The following ACOX3 variants were observed in gnomAD, a reference collection of about 807,000 sequenced individuals.
ACOX3 encodes peroxisomal acyl-coenzyme A oxidase 3.
Under a neutral mutation model 81.5 loss-of-function variants are expected in ACOX3, and 73 were observed. That is an observed-to-expected ratio of 0.90 (90% CI 0.74 to 1.09). The LOEUF (loss-of-function observed/expected upper bound fraction) is 1.09. Ranked by LOEUF, ACOX3 falls within the 50% of genes least tolerant of loss-of-function variation. The pLI is 0.00. For missense variants in ACOX3, 947 were observed against 928.0 expected (o/e 1.02, Z -0.27); for synonymous variants, 387 against 375.1 (o/e 1.03, Z -0.37).
At chr4:8,439,587 A>G (rs1724469147) in intron 1 of ACOX3, among the ~76,000 whole-genome samples, 1 of 152,226 alleles carries the variant, frequency 6.6e-6, no homozygotes, top group African/African-American at 2.4e-5. Context: ...GCTTGCTAGG[A>G]AAAAAGCTTT....
chr4:8,383,411 A>G (rs566268394), intron 13 of ACOX3, among the ~76,000 whole-genome samples: 1 of 152,362 alleles, frequency 6.6e-6, no homozygotes, highest in East Asian at 1.9e-4. Flanking sequence ...AGGTGAGGTC[A>G]TCAGGGACTC....
intron 16 of ACOX3, 22 bp downstream of exon 16, chr4:8,373,539 C>T (rs1429806066): frequency 1.4e-5 from 23 of 1,612,718 alleles, no homozygotes; most frequent in East Asian, 6.7e-5. Flanking sequence ...ATGTAGAGAA[C>T]GCGACAGCAC....
chr4:8,416,457 T>C lies in ACOX3; in HGVS notation c.65A>G (p.Asp22Gly), dbSNP rs769087705. 9.9e-6 allele frequency: 16 copies of C among 1,614,126 alleles called. No individual in the cohort carries two copies. In the African/African-American group the frequency reaches 2.0e-4, roughly 20 times the overall value. The part of the protein sequence containing the change: ...LLPEFPRGPL[D>G]AYRARASFSW... ...GAAGGACGCTCTTGCTCGGTAGGCA[T>C]CGAGGGGCCCCCTGGGGAATTCTGG... Residue 22 changes from aspartate (D) to glycine (G), a missense_variant, in exon 2 of 18, where the codon GAT becomes GGT. Asp to Gly is a moderately conservative substitution (Grantham distance 94). Transcript: ENST00000356406. This position sits in a 1 kb window ranked among gnomAD's most constrained non-coding sequence, Gnocchi z 4.2.
Position 8,389,254 on chromosome 4 carries a change from C to T in ACOX3, c.1456G>A (p.Val486Met). ...CCGGGATAGGCGTCCAGAAAGTCCACTGACTTCAGCGGACTGCGGAAGCAA... is the reference window on the plus strand; with the variant it reads ...CCGGGATAGGCGTCCAGAAAGTCCATTGACTTCAGCGGACTGCGGAAGCAA... ...GACFRSPLKSVDFLDAYPGIL... is the reference protein window; with the variant it reads ...GACFRSPLKSMDFLDAYPGIL... Residue 486 changes from valine (V) to methionine (M), a missense_variant, in exon 13 of 18, where the codon GTG becomes ATG. Coordinates refer to ENST00000356406, the MANE Select transcript of ACOX3 (RefSeq NM_003501.3). This position sits in a 1 kb window ranked among gnomAD's most constrained non-coding sequence, Gnocchi z 5.3. The T allele has an allele frequency of 6.2e-7, 1 of 1,613,708 alleles. No homozygotes were observed. The highest frequency in any genetic ancestry group is 8.5e-7 in the Non-Finnish European group (1 of 1,179,908).
chr4:8,435,116 T>C (rs1231527242), intron 1 of ACOX3, among the ~76,000 whole-genome samples: 1 of 152,198 alleles, frequency 6.6e-6, no homozygotes, highest in Non-Finnish European at 1.5e-5. Flanking sequence ...TTAAAATGCA[T>C]GTTACAGAAC....
chr4:8,398,948 GT>G (rs1193796052), intron 8 of ACOX3, among the ~76,000 whole-genome samples: 1 of 152,154 alleles, frequency 6.6e-6, no homozygotes, highest in Non-Finnish European at 1.5e-5. Context: ...TCGTGTTGCT[GT>G]TCCCACTCTG....
At chr4:8,379,892 C>T (rs1175913552) in intron 14 of ACOX3, among the ~76,000 whole-genome samples, 3 of 151,966 alleles carry the variant, frequency 2.0e-5, no homozygotes, top group African/African-American at 7.3e-5. Flanking sequence ...CTCAAGCGAT[C>T]TTCCTGCCTC....
chr4:8,394,865 G>A lies in ACOX3; in HGVS notation c.1057-123C>T. 1 of 1,299,880 alleles carries A rather than the reference G, an allele frequency of 7.7e-7. No individual in the cohort carries two copies. The highest frequency in any genetic ancestry group is 1.0e-6 in the Non-Finnish European group (1 of 968,728). The allele number at this position is 1,299,880 out of a possible 1,614,324, so 80.5% of individuals were successfully genotyped here. A position where few individuals can be genotyped will look rare whatever the true frequency, so the allele number is the denominator to read the frequency against. On this transcript the variant is annotated intron_variant, in intron 9 of 17. Transcript: ENST00000356406. This position sits in a 1 kb window ranked among gnomAD's most constrained non-coding sequence, Gnocchi z 5.9. Reference sequence around the variant, plus strand: ...GGGCCACACACCCACTAGCGCTGAAGGTCTTCACATGTCTTCCCGGCACAT... The same window carrying A: ...GGGCCACACACCCACTAGCGCTGAAAGTCTTCACATGTCTTCCCGGCACAT...
At chr4:8,427,986 C>T (rs1181606540) in intron 1 of ACOX3, among the ~76,000 whole-genome samples, 1 of 152,238 alleles carries the variant, frequency 6.6e-6, no homozygotes, top group Non-Finnish European at 1.5e-5. Flanking sequence ...ACCGTCTAGG[C>T]TTCTGTCATT....
At chr4:8,356,471 A>G in the ACOX3 span, 131 of 441,852 alleles carry the variant, frequency 3.0e-4, 1 homozygote, top group Middle Eastern at 3.3e-4. Context: ...CTAAACTTGT[A>G]CATTCATGTT....
intron 16 of ACOX3, among the ~76,000 whole-genome samples, chr4:8,371,521 T>C (rs1716195762): frequency 6.6e-6 from 1 of 152,224 alleles, no homozygotes; most frequent in Admixed American, 6.5e-5. Context: ...CTCTCAAGAA[T>C]TTTCTTAAGA....
chr4:8,412,242 A>AAGG (rs1183524901), intron 5 of ACOX3, among the ~76,000 whole-genome samples: 3 of 152,234 alleles, frequency 2.0e-5, no homozygotes, highest in Non-Finnish European at 4.4e-5. Context: ...CCACTCTGAG[A>AAGG]AGGAGCCTTG....
rs898567278 is a variant in ACOX3, at chr4:8,400,367, A to G, written c.777-715T>C. 1.3e-5 allele frequency among the ~76,000 whole-genome samples: 2 copies of G among 152,216 alleles called. No individual in the cohort carries two copies. Among genetic ancestry groups the G allele is most frequent in the Non-Finnish European group, 2.9e-5 (2 of 68,040 alleles). ...GAAAAGACGGGAACTGTGTTTCCAA[A>G]GATTGGAATCTCTGATTCTCATATT... On this transcript the variant is annotated intron_variant, in intron 7 of 17. Coordinates refer to ENST00000356406, the MANE Select transcript of ACOX3 (RefSeq NM_003501.3). The surrounding 1 kb of genome is among the most constrained non-coding windows in gnomAD (Gnocchi z 4.4).
intron 10 of ACOX3, chr4:8,393,133 A>AGG (rs558313042): frequency 0.047 from 6,616 of 142,248 alleles, 189 homozygotes; most frequent in African/African-American, 0.09. Flanking sequence ...CTTTTTTTTA[A>AGG]GGGGAAAAAA....
the ACOX3 span, chr4:8,355,872 C>G: frequency 6.5e-6 from 1 of 154,306 alleles, no homozygotes; most frequent in African/African-American, 2.4e-5. Context: ...AGATAGAGAA[C>G]AAGAATGGGC....
rs1357126346 is a variant in ACOX3, at chr4:8,400,914, G to T, written c.777-1262C>A. On this transcript the variant is annotated intron_variant, in intron 7 of 17. Transcript: ENST00000356406. This position sits in a 1 kb window ranked among gnomAD's most constrained non-coding sequence, Gnocchi z 4.4. ...TTATTATTACATGGTAACACATAAT[G>T]AAATGATTATACAATTAGCCATAAT... Among the ~76,000 whole-genome samples, 2 of 151,878 alleles carry T rather than the reference G, an allele frequency of 1.3e-5. No individual in the cohort carries two copies. The highest frequency in any genetic ancestry group is 2.4e-5 in the African/African-American group (1 of 41,306).
chr4:8,382,663 C>A lies in ACOX3; in HGVS notation c.1538-1056G>T, dbSNP rs962296967. Among the ~76,000 whole-genome samples the A allele has an allele frequency of 1.3e-5, 2 of 152,214 alleles. No individual in the cohort carries two copies. The highest frequency in any genetic ancestry group is 2.9e-5 in the Non-Finnish European group (2 of 68,036). ...CTGAACTCAGTGGGGCTTGGGATTT[C>A]CTTCTATGTCACACAGCCCAGGTCA... On this transcript the variant is annotated intron_variant, in intron 13 of 17. Coordinates refer to ENST00000356406, the MANE Select transcript of ACOX3 (RefSeq NM_003501.3). The surrounding 1 kb of genome is among the most constrained non-coding windows in gnomAD (Gnocchi z 4.1).
At position 8,367,006 on chromosome 4, in the gene ACOX3, A is replaced by T. The variant is rs756110701; in HGVS notation, c.2058T>A (p.Phe686Leu). 1.5e-5 allele frequency: 25 copies of T among 1,614,114 alleles called. No homozygotes were observed. Among genetic ancestry groups the T allele is most frequent in the Non-Finnish European group, 2.0e-5 (24 of 1,179,998 alleles). Reference sequence around the variant, plus strand: ...TTCCTATGACAGGTTTGTTCACAGAAAACTCTGGCCACCAGGATGCCCGCT... The same window carrying T: ...TTCCTATGACAGGTTTGTTCACAGATAACTCTGGCCACCAGGATGCCCGCT... ...VLERASWWPE[F>L]SVNKPVIGSL... is the part of the protein sequence containing the mutation. The change falls in exon 18 of 18, where the codon TTT becomes TTA. Residue 686 changes from phenylalanine to leucine, a missense_variant. Phe to Leu is a conservative substitution (Grantham distance 22, BLOSUM62 0). Coordinates refer to ENST00000356406, the MANE Select transcript of ACOX3 (RefSeq NM_003501.3).
intron 5 of ACOX3, among the ~76,000 whole-genome samples, chr4:8,410,694 A>ACTGTGGGCGGGGCTGTCTGTGCC (rs1266974716): frequency 2.6e-5 from 4 of 152,120 alleles, no homozygotes; most frequent in African/African-American, 4.8e-5. Context: ...CTGTCTGTGC[A>ACTGTGGGCGGGGCTGTCTGTGCC]CTGTGGGCGG....
Sources: allele counts gnomAD v4.1 joint callset (sites outside exome capture counted in the v4.1 genomes callset), GRCh38; gene constraint gnomAD v4.1.1; non-coding constraint Gnocchi (gnomAD v3.1); transcripts MANE v1.5; gene names NCBI Gene and HGNC (gene_info 2026-07-23, HGNC 2026-07-21).